Variants in NBAS observed in about 807,000 individuals in gnomAD.
NBAS encodes NAG/BC035112 fusion.
In NBAS, 219 loss-of-function variants were observed where a neutral mutation model predicts 302.5. That is an observed-to-expected ratio of 0.72 (90% CI 0.65 to 0.81). NBAS has a LOEUF of 0.81. Among genes scored for constraint, NBAS ranks in the 30% least tolerant of loss-of-function variants. The pLI is 0.00. For missense variants in NBAS, 2,932 were observed against 2,841.6 expected (o/e 1.03, Z -0.72); for synonymous variants, 1,118 against 1,021.6 (o/e 1.09, Z -1.80).
intron 4 of NBAS, 120 bp from the exon 5 acceptor site, chr2:15,553,593 A>G (rs1664484133): frequency 1.1e-6 from 1 of 927,700 alleles, no homozygotes; most frequent in East Asian, 2.6e-5. Context: ...ACATGCTTTA[A>G]TTATCCATCT....
At chr2:14,835,604 G>T in the NBAS span, among the ~76,000 whole-genome samples, 1 of 151,766 alleles carries the variant, frequency 6.6e-6, no homozygotes, top group South Asian at 2.1e-4. Context: ...GAATGATACG[G>T]GGCACATTCT....
At chr2:15,081,102 T>G in the NBAS span, among the ~76,000 whole-genome samples, 1 of 152,088 alleles carries the variant, frequency 6.6e-6, no homozygotes, top group Non-Finnish European at 1.5e-5. Context: ...CCAAGATCCC[T>G]CAATCAACCA....
At chr2:14,848,813 C>T in the NBAS span, among the ~76,000 whole-genome samples, 1 of 151,904 alleles carries the variant, frequency 6.6e-6, no homozygotes, top group African/African-American at 2.4e-5. Flanking sequence ...CCAGCAGGGG[C>T]ACACTGACAC....
chr2:15,197,731 A>G (rs1665687862), intron 48 of NBAS, among the ~76,000 whole-genome samples: 3 of 152,142 alleles, frequency 2.0e-5, no homozygotes, highest in African/African-American at 7.2e-5. Context: ...TCCCATTACT[A>G]TGTTTCTAAC....
the NBAS span, among the ~76,000 whole-genome samples, chr2:15,034,232 G>GA: frequency 0.35 from 22,928 of 65,156 alleles, 5,308 homozygotes; most frequent in East Asian, 0.69. Flanking sequence ...GGGAAAGAAA[G>GA]AAGGAAAGAA....
chr2:15,050,347 G>A, the NBAS span, among the ~76,000 whole-genome samples: 1 of 149,118 alleles, frequency 6.7e-6, no homozygotes, highest in Admixed American at 6.7e-5. Flanking sequence ...CTCTGCTATG[G>A]GTCCACAGTC....
At chr2:15,257,268 A>T (rs914136844) in intron 44 of NBAS, among the ~76,000 whole-genome samples, 1 of 152,128 alleles carries the variant, frequency 6.6e-6, no homozygotes, top group African/African-American at 2.4e-5. Flanking sequence ...TCCGGATTTA[A>T]TCTAGGATAT....
chr2:15,218,421 A>G (rs566197946), intron 48 of NBAS, among the ~76,000 whole-genome samples: 2 of 152,130 alleles, frequency 1.3e-5, no homozygotes, highest in African/African-American at 4.8e-5. Flanking sequence ...ACCTCCAACT[A>G]TTGTTTTTTT....
At chr2:14,783,680 A>G in the NBAS span, among the ~76,000 whole-genome samples, 1 of 151,756 alleles carries the variant, frequency 6.6e-6, no homozygotes, top group African/African-American at 2.4e-5. Flanking sequence ...ATAGTATTCC[A>G]TGGTGTATAT....
At chr2:15,022,122 C>T in the NBAS span, among the ~76,000 whole-genome samples, 5 of 152,120 alleles carry the variant, frequency 3.3e-5, no homozygotes, top group Non-Finnish European at 5.9e-5. Flanking sequence ...AAGAGTCTGG[C>T]TGCCAGAAAA....
intron 47 of NBAS, among the ~76,000 whole-genome samples, chr2:15,222,515 A>G (rs1666988928): frequency 6.6e-6 from 1 of 152,246 alleles, no homozygotes; most frequent in South Asian, 2.1e-4. Flanking sequence ...AACAATATTC[A>G]TAATAATTTC....
chr2:15,142,970 G>A, the NBAS span, among the ~76,000 whole-genome samples: 1 of 152,176 alleles, frequency 6.6e-6, no homozygotes, highest in Non-Finnish European at 1.5e-5. Context: ...CCTGCAACAA[G>A]TCATTTTGGA....
At chr2:15,463,052 C>T (rs1050855313) in intron 19 of NBAS, among the ~76,000 whole-genome samples, 3 of 152,142 alleles carry the variant, frequency 2.0e-5, no homozygotes, top group East Asian at 3.9e-4. Context: ...GTGGGAGGAT[C>T]GCTTGAGCCC....
the NBAS span, among the ~76,000 whole-genome samples, chr2:15,099,313 A>G: frequency 6.6e-6 from 1 of 151,930 alleles, no homozygotes; most frequent in African/African-American, 2.4e-5. Flanking sequence ...CCGACCCCCA[A>G]AAAAAAGTTT....
chr2:15,064,218 A>G, the NBAS span, among the ~76,000 whole-genome samples: 6 of 152,128 alleles, frequency 3.9e-5, no homozygotes, highest in Non-Finnish European at 8.8e-5. Context: ...ACAATAGAAA[A>G]AATTAACAAA....
the NBAS span, among the ~76,000 whole-genome samples, chr2:14,934,038 T>C: frequency 6.6e-6 from 1 of 152,176 alleles, no homozygotes; most frequent in African/African-American, 2.4e-5. Flanking sequence ...GCTTTGGTGA[T>C]AAATAATCAA....
At chr2:15,525,412 A>G (rs1455447621) in intron 9 of NBAS, among the ~76,000 whole-genome samples, 1 of 152,208 alleles carries the variant, frequency 6.6e-6, no homozygotes, top group African/African-American at 2.4e-5. Context: ...TTGAGATTAC[A>G]CAGCTAGAAA....
At chr2:14,818,667 G>A in the NBAS span, among the ~76,000 whole-genome samples, 1 of 152,188 alleles carries the variant, frequency 6.6e-6, no homozygotes. Context: ...TCCTTACCGT[G>A]TCAAGGTAAG....
chr2:15,143,603 T>G, the NBAS span, among the ~76,000 whole-genome samples: 3 of 152,110 alleles, frequency 2.0e-5, no homozygotes, highest in African/African-American at 7.2e-5. Flanking sequence ...TGCAGCCCTT[T>G]GGAGGTTTGC....
Sources: gnomAD v4.1 joint callset for allele counts (sites outside exome capture counted in the v4.1 genomes callset) on GRCh38, gnomAD v4.1.1 for gene constraint, MANE v1.5 for transcripts, NCBI Gene and HGNC (gene_info 2026-07-23, HGNC 2026-07-21) for gene names.